Variants in SDK1 observed in about 807,000 individuals in gnomAD.
SDK1 encodes the protein protein sidekick-1.
Under a neutral mutation model 245.5 loss-of-function variants are expected in SDK1, and 157 were observed. The ratio of observed to expected loss-of-function variants is 0.64; its 90% confidence interval spans 0.56 to 0.73. The LOEUF (loss-of-function observed/expected upper bound fraction) is 0.73, where lower values mean the gene tolerates loss of function less well. Ranked by LOEUF, SDK1 falls within the 30% of genes least tolerant of loss-of-function variation. The pLI, the probability that SDK1 is intolerant of heterozygous loss-of-function variation, is 0.00. For missense variants in SDK1, 3,583 were observed against 3,002.3 expected (o/e 1.19, Z -4.52); for synonymous variants, 1,647 against 1,278.5 (o/e 1.29, Z -6.15).
At chr7:4,254,477 A>C (rs1015131689) in intron 44 of SDK1, among the ~76,000 whole-genome samples, 1 of 152,152 alleles carries the variant, frequency 6.6e-6, no homozygotes, top group Non-Finnish European at 1.5e-5. Context: ...TTTTAAAATA[A>C]TTTCTATCAC....
At chr7:3,764,830 G>A in intron 4 of SDK1, among the ~76,000 whole-genome samples, 1 of 151,910 alleles carries the variant, frequency 6.6e-6, no homozygotes, top group African/African-American at 2.4e-5. Context: ...TTCAGAAACA[G>A]ATAGGAAAAT....
chr7:3,434,598 TTAAG>T (rs1779965408), intron 1 of SDK1, among the ~76,000 whole-genome samples: 1 of 152,200 alleles, frequency 6.6e-6, no homozygotes, highest in African/African-American at 2.4e-5. Context: ...CTCAAAGATG[TTAAG>T]TAGCTCACCT....
chr7:3,683,635 C>T (rs6965119), intron 4 of SDK1, among the ~76,000 whole-genome samples: 124,196 of 152,052 alleles, frequency 0.82, 50,864 homozygotes, highest in Non-Finnish European at 0.85. Context: ...ACATTCCCTG[C>T]GCCTAACATG....
At chr7:3,578,288 G>A (rs891559943) in intron 1 of SDK1, among the ~76,000 whole-genome samples, 1 of 151,916 alleles carries the variant, frequency 6.6e-6, no homozygotes, top group Non-Finnish European at 1.5e-5. Flanking sequence ...AAGGATTAAG[G>A]GGAGGGGGTG....
chr7:3,488,904 C>T (rs1286210058), intron 1 of SDK1, among the ~76,000 whole-genome samples: 2 of 147,118 alleles, frequency 1.4e-5, no homozygotes, highest in African/African-American at 2.5e-5. Context: ...TTCCTCCCTC[C>T]GTGTGTGTGT....
At chr7:3,432,185 A>C (rs1295539542) in intron 1 of SDK1, among the ~76,000 whole-genome samples, 4 of 150,222 alleles carry the variant, frequency 2.7e-5, no homozygotes, top group Non-Finnish European at 5.9e-5. Context: ...ATATCCCCAT[A>C]CCTGAAGATT....
rs189565280 is a variant in SDK1, at chr7:3,586,619, G to A, written c.299-32461G>A. On this transcript the variant is annotated intron_variant, in intron 1 of 44. Coordinates refer to ENST00000404826, the MANE Select transcript of SDK1 (RefSeq NM_152744.4). ...ACTCGGGAGGCTGAGGCAGGAGAAT[G>A]GCATGAACCCGGGAGGTGGAGGTTG... 8.1e-3 allele frequency among the ~76,000 whole-genome samples: 1,234 copies of A among 151,424 alleles called. 15 individuals are homozygous for A. The highest frequency in any genetic ancestry group is 0.012 in the Non-Finnish European group (839 of 67,780).
At chr7:4,021,791 C>G (rs1583853552) in intron 17 of SDK1, among the ~76,000 whole-genome samples, 1 of 152,212 alleles carries the variant, frequency 6.6e-6, no homozygotes, top group East Asian at 1.9e-4. Context: ...GGCCTTCCAG[C>G]TGGGCACATA....
chr7:3,848,446 G>C (rs952077363), intron 5 of SDK1, among the ~76,000 whole-genome samples: 1 of 152,136 alleles, frequency 6.6e-6, no homozygotes, highest in Non-Finnish European at 1.5e-5. Context: ...GAGGGTGATC[G>C]TGAAAGGGAA....
intron 1 of SDK1, among the ~76,000 whole-genome samples, chr7:3,488,606 A>G (rs1781774436): frequency 6.6e-6 from 1 of 152,230 alleles, no homozygotes; most frequent in African/African-American, 2.4e-5. Flanking sequence ...GTCCCTTACA[A>G]TGCTCATCAG....
At chr7:3,994,770 G>C (rs553326299) in intron 14 of SDK1, among the ~76,000 whole-genome samples, 2 of 152,034 alleles carry the variant, frequency 1.3e-5, no homozygotes, top group Admixed American at 6.5e-5. Context: ...CCACTGCCCT[G>C]CCCTTCTTTG....
At chr7:3,660,910 T>C (rs967540654) in intron 4 of SDK1, among the ~76,000 whole-genome samples, 10 of 152,230 alleles carry the variant, frequency 6.6e-5, no homozygotes, top group African/African-American at 2.2e-4. Flanking sequence ...AGATACATTA[T>C]GTCCTTTGGT....
chr7:4,091,168 CT>C (rs1245366523), intron 22 of SDK1, among the ~76,000 whole-genome samples: 3 of 152,040 alleles, frequency 2.0e-5, no homozygotes, highest in African/African-American at 7.2e-5. Flanking sequence ...AAGTACAGGA[CT>C]TAAAAATTCC....
At chr7:3,932,344 T>G (rs1204177495) in intron 5 of SDK1, among the ~76,000 whole-genome samples, 4 of 152,214 alleles carry the variant, frequency 2.6e-5, no homozygotes, top group African/African-American at 4.8e-5. Flanking sequence ...AACTTTAGAT[T>G]TATTGTCAGT....
intron 4 of SDK1, among the ~76,000 whole-genome samples, chr7:3,714,742 C>T (rs187035098): frequency 1.3e-5 from 2 of 152,286 alleles, no homozygotes; most frequent in Admixed American, 1.3e-4. Context: ...ATGCTTGAAG[C>T]GTTGAGTGTC....
chr7:3,656,652 A>G (rs1783193953), intron 4 of SDK1, among the ~76,000 whole-genome samples: 1 of 151,212 alleles, frequency 6.6e-6, no homozygotes, highest in Non-Finnish European at 1.5e-5. Flanking sequence ...GGTCAGTGGG[A>G]CTCAACCCAT....
rs73048254 is a variant in SDK1 at position 4,194,429 on chromosome 7, C to T, written c.5099-11450C>T. Among the ~76,000 whole-genome samples the T allele has an allele frequency of 5.0e-3, 511 of 103,158 alleles. 8 individuals are homozygous for T. The highest frequency in any genetic ancestry group is 5.9e-3 in the Non-Finnish European group (282 of 48,016). The allele number at this position is 103,158 out of a possible 152,430, so 67.7% of individuals were successfully genotyped here. A position where few individuals can be genotyped will look rare whatever the true frequency, so the allele number is the denominator to read the frequency against. The stretch of plus-strand genomic sequence containing the variant: ...ATGCACATATGTGTATACATGTATA[C>T]GTATATACATATATGTATACATGTA... On this transcript the variant is annotated intron_variant, in intron 35 of 44. Transcript: ENST00000404826.
intron 4 of SDK1, among the ~76,000 whole-genome samples, chr7:3,682,821 C>T (rs1043907328): frequency 3.9e-5 from 6 of 152,098 alleles, no homozygotes; most frequent in Admixed American, 2.0e-4. Flanking sequence ...TCACTGCAAC[C>T]CCCACTTCCC....
At chr7:3,963,724 C>A (rs1305617290) in intron 9 of SDK1, among the ~76,000 whole-genome samples, 1 of 146,156 alleles carries the variant, frequency 6.8e-6, no homozygotes, top group African/African-American at 2.6e-5. Context: ...TGGACGTATC[C>A]AGTGAGTACA....
Sources: gnomAD v4.1 joint callset for allele counts (sites outside exome capture counted in the v4.1 genomes callset) on GRCh38, gnomAD v4.1.1 for gene constraint, MANE v1.5 for transcripts, NCBI Gene and HGNC (gene_info 2026-07-23, HGNC 2026-07-21) for gene names.